Variants in NAP1L1 observed in about 807,000 individuals in gnomAD.
The protein encoded by NAP1L1 is nucleosome assembly protein 1-like 1.
A neutral mutation model predicts 58.9 loss-of-function variants in NAP1L1; 9 were observed. The ratio of observed to expected loss-of-function variants is 0.15; its 90% CI spans 0.09 to 0.27. The LOEUF is 0.27. NAP1L1 is among the 10% of genes least tolerant of loss of function. The pLI is 1.00. For missense variants in NAP1L1, 302 were observed against 458.8 expected, an observed-to-expected ratio of 0.66 and a Z score of 3.12; for synonymous variants, 130 against 138.3, an observed-to-expected ratio of 0.94 and a Z score of 0.42.
chr12:76,061,128 C>A, intron 4 of NAP1L1: 1 of 355,648 alleles, frequency 2.8e-6, no homozygotes, highest in South Asian at 2.1e-5. Flanking sequence ...AGATAAAGTT[C>A]ATACACCATA....
At position 76,043,243 on chromosome 12, in the gene NAP1L1, T is replaced by C. The variant is rs1343609734; in HGVS notation, c.*5186A>G. On this transcript the variant is annotated 3_prime_UTR_variant, in exon 15 of 15. Coordinates refer to ENST00000618691, the MANE Select transcript of NAP1L1 (RefSeq NM_004537.7). ...ATCATGTCTTCCTTTAAAAATTATCTTTCAGCCAGGTGCAGTGGCTAACGT... is the reference window on the plus strand; with the variant it reads ...ATCATGTCTTCCTTTAAAAATTATCCTTCAGCCAGGTGCAGTGGCTAACGT... 1 of 152,166 alleles carries C rather than the reference T, an allele frequency of 6.6e-6. No individual in the cohort carries two copies. Among genetic ancestry groups the C allele is most frequent in the African/African-American group, 2.4e-5 (1 of 41,430 alleles). 9.4% of individuals were successfully genotyped at this position (152,166 alleles called of 1,614,324 possible).
intron 3 of NAP1L1, 105 bp downstream of exon 3, chr12:76,068,804 T>C (rs1949812259): frequency 1.4e-6 from 1 of 712,818 alleles, no homozygotes; most frequent in Non-Finnish European, 2.5e-6. Context: ...AGTAGATAAA[T>C]GGGACAATGA....
rs1449170243 is a variant in NAP1L1 at position 76,038,037 on chromosome 12, G to A, written c.*10392C>T. On this transcript the variant is annotated 3_prime_UTR_variant, in exon 15 of 15. Coordinates refer to ENST00000618691, the MANE Select transcript of NAP1L1 (RefSeq NM_004537.7). The stretch of plus-strand genomic sequence containing the variant: ...GTTATGGTAATATTAGCTTTGAAGT[G>A]ACAAACGAAAATATGGAACTGGATG... 1 of 152,186 alleles carries A rather than the reference G, an allele frequency of 6.6e-6. No individual in the cohort carries two copies. Among genetic ancestry groups the A allele is most frequent in the Non-Finnish European group, 1.5e-5 (1 of 68,046 alleles). 9.4% of individuals were successfully genotyped at this position (152,186 alleles called of 1,614,324 possible).
chr12:76,055,751 A>C (rs1194340366), intron 7 of NAP1L1, among the ~76,000 whole-genome samples: 1 of 152,258 alleles, frequency 6.6e-6, no homozygotes, highest in East Asian at 1.9e-4. Context: ...TCATACTTCC[A>C]TACTAAGTAT....
At position 76,041,235 on chromosome 12, in the gene NAP1L1, C is replaced by T. The variant is rs1948547954; in HGVS notation, c.*7194G>A. The T allele has an allele frequency of 1.3e-5, 2 of 152,204 alleles. No homozygotes were observed. Among genetic ancestry groups the T allele is most frequent in the Non-Finnish European group, 2.9e-5 (2 of 68,038 alleles). The allele number at this position is 152,204 out of a possible 1,614,324, so 9.4% of individuals were successfully genotyped here. On this transcript the variant is annotated 3_prime_UTR_variant, in exon 15 of 15. Transcript: ENST00000618691. Reference sequence around the variant, plus strand: ...TGGGTCTAGATAAATCCTAACTGACCTATACATCCAAAACTTTTCTGTACA... The same window carrying T: ...TGGGTCTAGATAAATCCTAACTGACTTATACATCCAAAACTTTTCTGTACA...
rs184898965 is a variant in NAP1L1 at position 76,041,998 on chromosome 12, A to G, written c.*6431T>C. The G allele has an allele frequency of 2.0e-5, 3 of 152,358 alleles. No homozygotes were observed. The East Asian group carries it at 5.8e-4, about 29-fold the overall frequency. 9.4% of individuals were successfully genotyped at this position (152,358 alleles called of 1,614,324 possible). The stretch of plus-strand genomic sequence containing the variant: ...TATGAAAACACATGTATTAAAATAA[A>G]ACAAGAAAGGAATGAGATGAGATTT... On this transcript the variant is annotated 3_prime_UTR_variant, in exon 15 of 15. Coordinates refer to ENST00000618691, the MANE Select transcript of NAP1L1 (RefSeq NM_004537.7).
intron 11 of NAP1L1, among the ~76,000 whole-genome samples, chr12:76,051,471 G>C (rs746250014): frequency 6.6e-6 from 1 of 152,202 alleles, no homozygotes; most frequent in Non-Finnish European, 1.5e-5. Flanking sequence ...CAGCTGTACA[G>C]TTTTAAGTCT....
intron 1 of NAP1L1, among the ~76,000 whole-genome samples, chr12:76,078,994 T>TACACAC (rs756057648): frequency 4.6e-5 from 7 of 151,308 alleles, no homozygotes; most frequent in African/African-American, 9.7e-5. Flanking sequence ...TATATATATA[T>TACACAC]ACACACACAC....
intron 1 of NAP1L1, among the ~76,000 whole-genome samples, chr12:76,077,809 C>A (rs937732260): frequency 6.6e-6 from 1 of 151,450 alleles, no homozygotes; most frequent in African/African-American, 2.4e-5. Flanking sequence ...AATGGTGAAA[C>A]CCAGTCTCTA....
At position 76,040,487 on chromosome 12, in the gene NAP1L1, G is replaced by C. The variant is rs1948541706; in HGVS notation, c.*7942C>G. 1 of 152,000 alleles carries C rather than the reference G, an allele frequency of 6.6e-6. No individual in the cohort carries two copies. The highest frequency in any genetic ancestry group is 6.6e-5 in the Admixed American group (1 of 15,254). 9.4% of individuals were successfully genotyped at this position (152,000 alleles called of 1,614,324 possible). On this transcript the variant is annotated 3_prime_UTR_variant, in exon 15 of 15. Transcript: ENST00000618691. Reference sequence around the variant, plus strand: ...AGACTGTTATAATCCAGTTCCACCTGAGAGTAAATATACATACACATACAT... The same window carrying C: ...AGACTGTTATAATCCAGTTCCACCTCAGAGTAAATATACATACACATACAT...
At chr12:76,058,112 TGGA>T in intron 6 of NAP1L1, 1 of 733,142 alleles carries the variant, frequency 1.4e-6, no homozygotes, top group Non-Finnish European at 2.6e-6. Context: ...TCGAAGATCT[TGGA>T]GAAGAAGTGA....
chr12:76,069,361 T>C lies in NAP1L1; in HGVS notation c.18-367A>G, dbSNP rs142152022. ...TATATGAGATGGCAACACACCAAGC[T>C]AAAAGTCTACATTTCCTAGCCTACC... On this transcript the variant is annotated intron_variant, in intron 2 of 14. Coordinates refer to ENST00000618691, the MANE Select transcript of NAP1L1 (RefSeq NM_004537.7). Among the ~76,000 whole-genome samples, 13 of 152,356 alleles carry C rather than the reference T, an allele frequency of 8.5e-5. No individual in the cohort carries two copies. In the East Asian group the frequency reaches 2.5e-3, roughly 29 times the overall value.
chr12:76,048,833 AG>A (rs1948695119), intron 14 of NAP1L1, among the ~76,000 whole-genome samples: 1 of 152,136 alleles, frequency 6.6e-6, no homozygotes, highest in Non-Finnish European at 1.5e-5. Flanking sequence ...AGTAGTTGGA[AG>A]GATCTAACAA....
At chr12:76,080,710 G>A (rs1479132680) in intron 1 of NAP1L1, among the ~76,000 whole-genome samples, 3 of 152,132 alleles carry the variant, frequency 2.0e-5, no homozygotes, top group African/African-American at 4.8e-5. Flanking sequence ...GATACAAGGT[G>A]GAGTGCTTTT....
chr12:76,082,149 CA>C (rs1484278988), intron 1 of NAP1L1, among the ~76,000 whole-genome samples: 1 of 152,160 alleles, frequency 6.6e-6, no homozygotes, highest in African/African-American at 2.4e-5. Context: ...TTCAAATTTA[CA>C]ACCAAGAAGT....
intron 1 of NAP1L1, among the ~76,000 whole-genome samples, chr12:76,077,980 CAA>C (rs58558132): frequency 1.4e-4 from 9 of 65,932 alleles, no homozygotes; most frequent in Admixed American, 2.1e-4. Flanking sequence ...GACCCTGTCT[CAA>C]AAAAAAAAAA....
intron 1 of NAP1L1, among the ~76,000 whole-genome samples, chr12:76,078,184 T>C (rs959121012): frequency 2.6e-5 from 4 of 151,916 alleles, no homozygotes; most frequent in Non-Finnish European, 5.9e-5. Context: ...TGAACTTTGG[T>C]TTTAACCAAA....
At chr12:76,058,679 C>T (rs1949258210) in intron 6 of NAP1L1, among the ~76,000 whole-genome samples, 1 of 152,136 alleles carries the variant, frequency 6.6e-6, no homozygotes, top group Non-Finnish European at 1.5e-5. Context: ...AGCCACTGCG[C>T]CTGGCCTTTC....
rs115797732 is a variant in NAP1L1, at chr12:76,058,159, C to A, written c.429+1639G>T. On this transcript the variant is annotated intron_variant, in intron 6 of 14. Transcript: ENST00000618691. ...ATTTGTCTGTAGTTAATGGCCTGAA[C>A]TGACAGTAGATATGGCCAAAGGGAG... 803 of 640,312 alleles carry A rather than the reference C, an allele frequency of 1.3e-3. 9 individuals carry two copies. The African/African-American group carries it at 0.015, about 12-fold the overall frequency. 39.7% of individuals were successfully genotyped at this position (640,312 alleles called of 1,614,324 possible). A position where few individuals can be genotyped will look rare whatever the true frequency, so the allele number is the denominator to read the frequency against.
Sources: gnomAD v4.1 joint callset for allele counts (sites outside exome capture counted in the v4.1 genomes callset) on GRCh38, gnomAD v4.1.1 for gene constraint, MANE v1.5 for transcripts, NCBI Gene and HGNC (gene_info 2026-07-23, HGNC 2026-07-21) for gene names.